PTPN13: variants seen among roughly 807,000 people sequenced by gnomAD.
PTPN13 encodes protein tyrosine phosphatase non-receptor type 13.
In PTPN13, 191 loss-of-function variants were observed where a neutral mutation model predicts 284.0. That is an observed-to-expected ratio of 0.67 (90% CI 0.60 to 0.76). The LOEUF (loss-of-function observed/expected upper bound fraction) is 0.76. Ranked by LOEUF, PTPN13 falls within the 30% of genes least tolerant of loss-of-function variation. PTPN13 has a pLI of 0.00. For synonymous variants in PTPN13, 986 were observed against 1,022.3 expected (o/e 0.96, Z 0.68); for missense variants, 2,797 against 2,939.9 (o/e 0.95, Z 1.12).
intron 23 of PTPN13, among the ~76,000 whole-genome samples, chr4:86,760,810 A>G (rs754719763): frequency 2.0e-4 from 30 of 152,118 alleles, no homozygotes; most frequent in African/African-American, 7.0e-4. Context: ...TTCAGAAAGT[A>G]GGTGAATCTT....
chr4:86,712,343 G>T (rs1200179783), intron 7 of PTPN13, among the ~76,000 whole-genome samples: 1 of 151,142 alleles, frequency 6.6e-6, no homozygotes, highest in African/African-American at 2.4e-5. Flanking sequence ...ATACCTTTAT[G>T]TGCAGGTCAT....
intron 31 of PTPN13, 94 bp from the exon 32 acceptor site, chr4:86,772,684 G>A: frequency 2.0e-6 from 2 of 1,020,716 alleles, no homozygotes; most frequent in Non-Finnish European, 2.8e-6. Context: ...AATCAGACAT[G>A]AATATTTGTT....
intron 2 of PTPN13, among the ~76,000 whole-genome samples, chr4:86,662,440 T>C (rs1477359377): frequency 1.3e-5 from 2 of 152,170 alleles, no homozygotes; most frequent in Non-Finnish European, 2.9e-5. Flanking sequence ...CAAGTGATTC[T>C]CCTGCCTCAG....
At chr4:86,726,094 GT>G (rs1271766504) in intron 10 of PTPN13, among the ~76,000 whole-genome samples, 3 of 149,528 alleles carry the variant, frequency 2.0e-5, no homozygotes, top group African/African-American at 4.9e-5. Context: ...TACATTTCTT[GT>G]TTTTGTCAGG....
chr4:86,775,563 G>C lies in PTPN13; in HGVS notation c.5802G>C (p.Val1934=), dbSNP rs1334926388. ...NLQLLDVIHY[V]NGVSTQGMTL... ...AGCTATTAGATGTCATCCATTATGT[G>C]AACGGAGTCAGCACACAAGGAATGA... The change falls in exon 35 of 48, where the codon GTG becomes GTC. Residue 1934 remains valine, a synonymous_variant. Coordinates refer to ENST00000411767, the MANE Select transcript of PTPN13 (RefSeq NM_080683.3). 3 of 1,613,562 alleles carry C rather than the reference G, an allele frequency of 1.9e-6. No homozygotes were observed. In the East Asian group the frequency reaches 6.7e-5, roughly 36 times the overall value.
intron 1 of PTPN13, among the ~76,000 whole-genome samples, chr4:86,603,582 G>A (rs898633984): frequency 6.6e-6 from 1 of 152,058 alleles, no homozygotes; most frequent in Non-Finnish European, 1.5e-5. Flanking sequence ...GAATTCCAAA[G>A]ATGATATGGT....
chr4:86,718,805 T>A (rs888246302), intron 9 of PTPN13, among the ~76,000 whole-genome samples: 7 of 152,180 alleles, frequency 4.6e-5, no homozygotes, highest in African/African-American at 1.7e-4. Context: ...CTTTTTAAAA[T>A]AGTCTATAAT....
intron 7 of PTPN13, among the ~76,000 whole-genome samples, chr4:86,711,410 T>C (rs575919290): frequency 6.6e-6 from 1 of 152,156 alleles, no homozygotes; most frequent in Non-Finnish European, 1.5e-5. Flanking sequence ...TATATTGATA[T>C]AAGTTTTATG....
intron 10 of PTPN13, among the ~76,000 whole-genome samples, chr4:86,730,964 T>A (rs182999070): frequency 1.3e-5 from 2 of 152,304 alleles, no homozygotes; most frequent in East Asian, 3.9e-4. Context: ...TCTATTTCTA[T>A]TCTTGTTTAA....
rs747306284 is a variant in PTPN13 at position 86,758,675 on chromosome 4, C to T, written c.3314-3C>T. 2.5e-6 allele frequency: 4 copies of T among 1,606,190 alleles called. No individual in the cohort carries two copies. Among genetic ancestry groups the T allele is most frequent in the Non-Finnish European group, 3.4e-6 (4 of 1,173,274 alleles). On this transcript the variant is annotated splice_polypyrimidine_tract_variant and splice_region_variant and intron_variant, in intron 21 of 47. Transcript: ENST00000411767. ...AATCTTTTTAAAATGTGTTATTTTA[C>T]AGGATTTCAAATTATTGGTGGGGAG...
intron 15 of PTPN13, among the ~76,000 whole-genome samples, chr4:86,735,976 A>G (rs1735450859): frequency 6.6e-6 from 1 of 152,152 alleles, no homozygotes; most frequent in Non-Finnish European, 1.5e-5. Flanking sequence ...TATGATTTGA[A>G]CCCATGTCTA....
At chr4:86,624,640 A>G (rs925504559) in intron 1 of PTPN13, among the ~76,000 whole-genome samples, 3 of 152,128 alleles carry the variant, frequency 2.0e-5, no homozygotes, top group African/African-American at 7.2e-5. Flanking sequence ...CATAGGAGCT[A>G]TTGGAATTGA....
intron 36 of PTPN13, among the ~76,000 whole-genome samples, 178 bp from the exon 37 acceptor site, chr4:86,782,023 G>T (rs940817968): frequency 6.6e-6 from 1 of 151,736 alleles, no homozygotes; most frequent in Admixed American, 6.6e-5. Flanking sequence ...AATATTAGAG[G>T]TTTGGAATCA....
chr4:86,672,433 G>A lies in PTPN13; in HGVS notation c.184G>A (p.Gly62Ser), dbSNP rs1270086880. The A allele has an allele frequency of 6.4e-7, 1 of 1,568,268 alleles. No homozygotes were observed. Among genetic ancestry groups the A allele is most frequent in the Admixed American group, 1.9e-5 (1 of 52,976 alleles). The change falls in exon 3 of 48, where the codon GGT (glycine) becomes AGT (serine). Residue 62 changes from glycine to serine, a missense_variant. Gly to Ser is a moderately conservative substitution (Grantham distance 56, BLOSUM62 0). Coordinates refer to ENST00000411767, the MANE Select transcript of PTPN13 (RefSeq NM_080683.3). ...SPWSLLLLPS[G>S]SVSFTDENIS... is the part of the protein sequence containing the mutation. ...ATGGTCTCTGCTGTTGCTGCCATCT[G>A]GTAGTGTGTCATTTACAGATGAAAA...
At chr4:86,770,850 C>G (rs1739911165) in intron 30 of PTPN13, among the ~76,000 whole-genome samples, 1 of 152,024 alleles carries the variant, frequency 6.6e-6, no homozygotes, top group East Asian at 1.9e-4. Context: ...AAAGGTATAG[C>G]CATCCATTGG....
chr4:86,776,696 A>G (rs1004648080), intron 35 of PTPN13, among the ~76,000 whole-genome samples: 37 of 152,372 alleles, frequency 2.4e-4, no homozygotes, highest in Non-Finnish European at 4.1e-4. Flanking sequence ...ACAGTTTTAC[A>G]TTACTTACAT....
chr4:86,648,381 C>G (rs1724683249), intron 2 of PTPN13, among the ~76,000 whole-genome samples: 1 of 152,104 alleles, frequency 6.6e-6, no homozygotes, highest in Admixed American at 6.5e-5. Flanking sequence ...CCCCTCCATA[C>G]TATCTTTCCC....
chr4:86,691,393 G>A (rs2148967354), intron 5 of PTPN13, among the ~76,000 whole-genome samples: 1 of 152,118 alleles, frequency 6.6e-6, no homozygotes, highest in South Asian at 2.1e-4. Context: ...TTATTTAATG[G>A]GAGAGAAAAA....
At chr4:86,752,493 ATTGAT>A (rs1737510681) in intron 19 of PTPN13, among the ~76,000 whole-genome samples, 1 of 152,164 alleles carries the variant, frequency 6.6e-6, no homozygotes, top group Non-Finnish European at 1.5e-5. Context: ...AGGCTAAGAG[ATTGAT>A]TTGATCTTTT....
Sources: gnomAD v4.1 joint callset for allele counts (sites outside exome capture counted in the v4.1 genomes callset) on GRCh38, gnomAD v4.1.1 for gene constraint, MANE v1.5 for transcripts, NCBI Gene and HGNC (gene_info 2026-07-23, HGNC 2026-07-21) for gene names.